Variants in KIF18A observed in about 807,000 individuals in gnomAD.
KIF18A encodes the protein kinesin-like protein KIF18A.
In KIF18A, 67 loss-of-function variants were observed where a neutral mutation model predicts 103.3. The ratio of observed to expected loss-of-function variants is 0.65; its 90% CI spans 0.53 to 0.79. KIF18A has a LOEUF of 0.79. Ranked by LOEUF, KIF18A falls within the 30% of genes least tolerant of loss-of-function variation. The probability of loss-of-function intolerance (pLI) is 0.00; values close to 1 mark genes in which losing one functional copy is unlikely to be tolerated. For synonymous variants in KIF18A, 367 were observed against 355.5 expected (o/e 1.03, Z -0.36); for missense variants, 1,032 against 1,062.5 (o/e 0.97, Z 0.40).
Position 28,068,264 on chromosome 11 carries a change from G to C in KIF18A, c.1590+995C>G, listed in dbSNP as rs562601879. ...GGGAGGGGAACATCACATGCCAGAG[G>C]CTGTCAGGGGTAGGGGGCAAGGGGA... is the stretch of plus-strand genomic sequence containing the variant. On this transcript the variant is annotated intron_variant, in intron 11 of 16. Coordinates refer to ENST00000263181, the MANE Select transcript of KIF18A (RefSeq NM_031217.4). Among the ~76,000 whole-genome samples the C allele has an allele frequency of 2.6e-5, 4 of 152,008 alleles. No individual in the cohort carries two copies. The East Asian group carries it at 5.8e-4, about 22-fold the overall frequency.
At chr11:28,071,585 ATC>A (rs1232845060) in intron 10 of KIF18A, among the ~76,000 whole-genome samples, 1 of 151,058 alleles carries the variant, frequency 6.6e-6, no homozygotes, top group African/African-American at 2.4e-5. Context: ...ATTTTTATAA[ATC>A]TGTTTTAATT....
At chr11:28,038,646 A>T (rs1850523218) in intron 13 of KIF18A, among the ~76,000 whole-genome samples, 1 of 151,700 alleles carries the variant, frequency 6.6e-6, no homozygotes, top group South Asian at 2.1e-4. Flanking sequence ...CAACAGTACA[A>T]GCACTATTCT....
intron 6 of KIF18A, among the ~76,000 whole-genome samples, chr11:28,085,453 A>G (rs1046439743): frequency 1.3e-5 from 2 of 151,950 alleles, no homozygotes; most frequent in Non-Finnish European, 2.9e-5. Flanking sequence ...TTTGAAGTTC[A>G]CAGTAGACAG....
intron 15 of KIF18A, among the ~76,000 whole-genome samples, chr11:28,031,740 G>A (rs898279729): frequency 2.0e-5 from 3 of 151,256 alleles, no homozygotes; most frequent in Admixed American, 6.6e-5. Context: ...CACGATAAAA[G>A]CCATACACGA....
At chr11:28,023,351 T>C (rs1162794711) in intron 16 of KIF18A, among the ~76,000 whole-genome samples, 1 of 152,150 alleles carries the variant, frequency 6.6e-6, no homozygotes, top group Non-Finnish European at 1.5e-5. Context: ...GCCAAATTAT[T>C]CAAAATATTA....
chr11:28,082,848 A>G lies in KIF18A; in HGVS notation c.1262+8T>C, dbSNP rs1186934636. 2.0e-6 allele frequency: 3 copies of G among 1,500,290 alleles called. No homozygotes were observed. The highest frequency in any genetic ancestry group is 2.7e-6 in the Non-Finnish European group (3 of 1,091,604). The allele number at this position is 1,500,290 out of a possible 1,614,324, so 92.9% of individuals were successfully genotyped here. On this transcript the variant is annotated splice_region_variant and intron_variant, in intron 9 of 16. Transcript: ENST00000263181. ...TTCCTCAAAATTAGATCTTAATGTA[A>G]TGTTTACCTTTCGATTTCTTTTTCC...
At chr11:28,067,966 A>T (rs1850956702) in intron 11 of KIF18A, among the ~76,000 whole-genome samples, 1 of 152,192 alleles carries the variant, frequency 6.6e-6, no homozygotes, top group Non-Finnish European at 1.5e-5. Flanking sequence ...ACACATGCAC[A>T]CATATGTTTA....
chr11:28,040,547 T>C (rs187641658), intron 13 of KIF18A, among the ~76,000 whole-genome samples: 107 of 151,846 alleles, frequency 7.0e-4, no homozygotes, highest in Admixed American at 1.6e-3. Context: ...GGCTGTGCCT[T>C]GCAGAACAAG....
chr11:28,038,840 G>T (rs1437541572), intron 13 of KIF18A, among the ~76,000 whole-genome samples: 1 of 151,686 alleles, frequency 6.6e-6, no homozygotes, highest in Non-Finnish European at 1.5e-5. Context: ...CATGACATTT[G>T]TCAAATTTTC....
Position 28,036,360 on chromosome 11 carries a change from T to A in KIF18A, c.2253A>T (p.Val751=), listed in dbSNP as rs1231719683. The stretch of plus-strand genomic sequence containing the variant: ...CTTTTCTTCTATTATGAGGGATAGC[T>A]ACTTCACACAACATTTTCAGACAAT... ...SDNCLKMLCE[V]AIPHNRRKEC... is the part of the protein sequence containing the mutation. The change falls in exon 14 of 17, where the codon GTA becomes GTT. Residue 751 remains valine (V), a synonymous_variant. Transcript: ENST00000263181. The A allele has an allele frequency of 6.2e-7, 1 of 1,611,372 alleles. No individual in the cohort carries two copies. Among genetic ancestry groups the A allele is most frequent in the Non-Finnish European group, 8.5e-7 (1 of 1,178,256 alleles).
At chr11:28,029,283 AACT>A (rs1850363644) in intron 15 of KIF18A, among the ~76,000 whole-genome samples, 1 of 152,192 alleles carries the variant, frequency 6.6e-6, no homozygotes, top group Non-Finnish European at 1.5e-5. Flanking sequence ...ATCCTCAATA[AACT>A]ACTGGCAAGC....
intron 12 of KIF18A, among the ~76,000 whole-genome samples, chr11:28,061,567 T>C (rs1400269647): frequency 1.3e-5 from 2 of 152,146 alleles, no homozygotes; most frequent in Non-Finnish European, 2.9e-5. Context: ...ATTCAATATC[T>C]GCTCTAGGAA....
At chr11:28,102,626 A>G (rs1225722193) in intron 1 of KIF18A, among the ~76,000 whole-genome samples, 2 of 152,214 alleles carry the variant, frequency 1.3e-5, no homozygotes, top group African/African-American at 2.4e-5. Context: ...AATGTCAAAT[A>G]TAACTTTGTT....
At position 28,023,818 on chromosome 11, in the gene KIF18A, A is replaced by C; in HGVS notation, c.2537T>G (p.Val846Gly). 6.2e-7 allele frequency: 1 copy of C among 1,612,990 alleles called. No individual in the cohort carries two copies. The highest frequency in any genetic ancestry group is 8.5e-7 in the Non-Finnish European group (1 of 1,179,172). ...AACACGTTTGGCAAATCCAGAATTT[A>C]CGTCTGCAGTTAACGAACTGTTTGA... ...STSNSSLTAD[V>G]NSGFAKRVRQ... Residue 846 changes from valine to glycine, a missense_variant, in exon 16 of 17, where the codon GTA (valine) becomes GGA (glycine). Coordinates refer to ENST00000263181, the MANE Select transcript of KIF18A (RefSeq NM_031217.4).
At chr11:28,042,156 G>A (rs1040145006) in intron 13 of KIF18A, among the ~76,000 whole-genome samples, 7 of 151,818 alleles carry the variant, frequency 4.6e-5, no homozygotes, top group African/African-American at 1.4e-4. Flanking sequence ...TTATTATGCT[G>A]AGGTAGGGGA....
chr11:28,040,024 A>G (rs1850539160), intron 13 of KIF18A, among the ~76,000 whole-genome samples: 1 of 151,776 alleles, frequency 6.6e-6, no homozygotes, highest in Admixed American at 6.6e-5. Flanking sequence ...ACAAAATTTA[A>G]AGGTTTAAAT....
chr11:28,083,085 G>T lies in KIF18A; in HGVS notation c.1149+84C>A. 3.3e-6 allele frequency: 5 copies of T among 1,498,650 alleles called. 1 individual carries two copies. In the South Asian group the frequency reaches 6.5e-5, roughly 19 times the overall value. The allele number at this position is 1,498,650 out of a possible 1,614,324, so 92.8% of individuals were successfully genotyped here. On this transcript the variant is annotated intron_variant, in intron 8 of 16. Coordinates refer to ENST00000263181, the MANE Select transcript of KIF18A (RefSeq NM_031217.4). ...GATTTTAATTTTAATAGAAAAATATGTTAAATTTTTGGACAATTAAGATTA... is the reference window on the plus strand; with the variant it reads ...GATTTTAATTTTAATAGAAAAATATTTTAAATTTTTGGACAATTAAGATTA...
intron 13 of KIF18A, among the ~76,000 whole-genome samples, chr11:28,057,184 G>T (rs1226436525): frequency 6.6e-6 from 1 of 152,064 alleles, no homozygotes; most frequent in African/African-American, 2.4e-5. Flanking sequence ...GACAGGGGAT[G>T]AATTGGCCTC....
chr11:28,075,955 C>T (rs1368313133), intron 10 of KIF18A, among the ~76,000 whole-genome samples: 3 of 151,792 alleles, frequency 2.0e-5, no homozygotes, highest in South Asian at 4.2e-4. Flanking sequence ...TTTTTCTTAC[C>T]CCAGGCATGG....
Sources: gnomAD v4.1 joint callset for allele counts (sites outside exome capture counted in the v4.1 genomes callset) on GRCh38, gnomAD v4.1.1 for gene constraint, MANE v1.5 for transcripts, NCBI Gene and HGNC (gene_info 2026-07-23, HGNC 2026-07-21) for gene names.